Variants in TBCK observed in about 807,000 individuals in gnomAD.
The protein encoded by TBCK is TBC1 domain containing kinase.
A neutral mutation model predicts 113.4 loss-of-function variants in TBCK; 99 were observed. That is an observed-to-expected ratio of 0.87 (90% confidence interval 0.74 to 1.03). The LOEUF (loss-of-function observed/expected upper bound fraction) is 1.03. Among genes scored for constraint, TBCK ranks in the 50% least tolerant of loss-of-function variants. The pLI is 0.00. For synonymous variants in TBCK, 369 were observed against 370.8 expected (o/e 1.00, Z 0.05); for missense variants, 1,045 against 1,061.3 (o/e 0.98, Z 0.21).
intron 1 of TBCK, among the ~76,000 whole-genome samples, chr4:106,312,295 A>G (rs1401892883): frequency 3.3e-5 from 5 of 152,206 alleles, no homozygotes; most frequent in Non-Finnish European, 2.9e-5. Context: ...ACAAGCCAAT[A>G]CATAAATAGG....
At chr4:106,261,271 C>G (rs1762478438) in intron 4 of TBCK, among the ~76,000 whole-genome samples, 1 of 151,862 alleles carries the variant, frequency 6.6e-6, no homozygotes, top group South Asian at 2.1e-4. Flanking sequence ...GTACAATTTT[C>G]TATTTTTGTG....
At chr4:106,243,426 A>G in intron 11 of TBCK, among the ~76,000 whole-genome samples, 1 of 152,192 alleles carries the variant, frequency 6.6e-6, no homozygotes, top group Non-Finnish European at 1.5e-5. Context: ...TACAATTTCA[A>G]TAAATTACTT....
chr4:106,181,659 G>A lies in TBCK; in HGVS notation c.2060-10389C>T, dbSNP rs144936490. 6.8e-3 allele frequency among the ~76,000 whole-genome samples: 1,039 copies of A among 152,248 alleles called. 9 individuals are homozygous for A. The highest frequency in any genetic ancestry group is 0.024 in the African/African-American group (990 of 41,548). ...CCCATTGCTTGTGTGTGTCAGGTTT[G>A]TTAAAGATCAGATGATTGTAGATGT... is the stretch of plus-strand genomic sequence containing the variant. On this transcript the variant is annotated intron_variant, in intron 22 of 25. Coordinates refer to ENST00000394708, the MANE Select transcript of TBCK (RefSeq NM_001163435.3).
chr4:106,291,681 T>G (rs990512906), intron 3 of TBCK, among the ~76,000 whole-genome samples: 1 of 152,230 alleles, frequency 6.6e-6, no homozygotes, highest in African/African-American at 2.4e-5. Context: ...TCTTAGCGAC[T>G]AACTACATAG....
chr4:106,298,329 C>T (rs959135137), intron 2 of TBCK, among the ~76,000 whole-genome samples: 4 of 151,896 alleles, frequency 2.6e-5, no homozygotes, highest in African/African-American at 9.7e-5. Context: ...AAAAAGAAGA[C>T]GTGGCCGGGC....
chr4:106,096,808 T>G (rs1372298705), intron 24 of TBCK, among the ~76,000 whole-genome samples: 2 of 152,210 alleles, frequency 1.3e-5, no homozygotes, highest in Non-Finnish European at 2.9e-5. Context: ...GCTTTACATG[T>G]AAAATCACCT....
intron 23 of TBCK, among the ~76,000 whole-genome samples, chr4:106,152,433 C>A (rs767311192): frequency 6.6e-6 from 1 of 151,992 alleles, no homozygotes; most frequent in Admixed American, 6.6e-5. Context: ...AGGGATAAAT[C>A]CCACTTGGTC....
At chr4:106,211,523 GTA>G (rs1756132691) in intron 20 of TBCK, among the ~76,000 whole-genome samples, 1 of 152,010 alleles carries the variant, frequency 6.6e-6, no homozygotes, top group South Asian at 2.1e-4. Context: ...TATTTTAGTT[GTA>G]TACACACATA....
chr4:106,262,002 T>C (rs1451229247), intron 4 of TBCK, 96 bp downstream of exon 4: 1 of 547,822 alleles, frequency 1.8e-6, no homozygotes, highest in East Asian at 3.1e-5. Context: ...TAAAACATAT[T>C]CTGATTCTAT....
At chr4:106,046,965 A>T (rs1451591411) in intron 25 of TBCK, among the ~76,000 whole-genome samples, 1 of 152,292 alleles carries the variant, frequency 6.6e-6, no homozygotes. Flanking sequence ...ATTCAGTAGT[A>T]AAGGGTATAC....
chr4:106,284,347 C>G (rs951906290), intron 3 of TBCK, among the ~76,000 whole-genome samples: 16 of 152,182 alleles, frequency 1.1e-4, no homozygotes, highest in African/African-American at 3.9e-4. Flanking sequence ...TGTCCAAATT[C>G]TTTCGAGTAT....
intron 22 of TBCK, chr4:106,182,506 C>T (rs937666616): frequency 5.3e-5 from 8 of 151,856 alleles, no homozygotes; most frequent in South Asian, 2.1e-4. Context: ...GCTGTGGGTC[C>T]GTCACAAATA....
intron 1 of TBCK, among the ~76,000 whole-genome samples, chr4:106,312,045 C>G (rs1473418020): frequency 6.6e-6 from 1 of 152,030 alleles, no homozygotes; most frequent in Non-Finnish European, 1.5e-5. Context: ...GAACAAAGCA[C>G]TAGCCACAAA....
intron 3 of TBCK, among the ~76,000 whole-genome samples, chr4:106,281,322 T>C (rs1764571950): frequency 6.6e-6 from 1 of 151,984 alleles, no homozygotes; most frequent in Non-Finnish European, 1.5e-5. Context: ...TTTGGTGTAG[T>C]CTTTAGTTTT....
chr4:106,064,863 C>T (rs1210200618), intron 25 of TBCK, among the ~76,000 whole-genome samples: 2 of 151,914 alleles, frequency 1.3e-5, no homozygotes, highest in Non-Finnish European at 2.9e-5. Context: ...ATCCCATTAC[C>T]TTATTTTCCC....
Position 106,242,460 on chromosome 4 carries a change from T to C in TBCK, c.1170+10A>G, listed in dbSNP as rs375699930. 1.5e-5 allele frequency: 24 copies of C among 1,586,182 alleles called. No individual in the cohort carries two copies. Among genetic ancestry groups the C allele is most frequent in the Non-Finnish European group, 1.9e-5 (22 of 1,166,810 alleles). On this transcript the variant is annotated intron_variant, in intron 12 of 25. Coordinates refer to ENST00000394708, the MANE Select transcript of TBCK (RefSeq NM_001163435.3). ...AACCTAAAGCAGAACTGTCAAAATA[T>C]CTTTCTTACATTTCTTAGCTGGCAT...
chr4:106,260,418 G>A lies in TBCK; in HGVS notation c.455+19C>T. The A allele has an allele frequency of 1.8e-6, 2 of 1,096,172 alleles. No homozygotes were observed. The highest frequency in any genetic ancestry group is 2.5e-6 in the Non-Finnish European group (2 of 811,432). The allele number at this position is 1,096,172 out of a possible 1,614,324, so 67.9% of individuals were successfully genotyped here. A position where few individuals can be genotyped will look rare whatever the true frequency, so the allele number is the denominator to read the frequency against. On this transcript the variant is annotated intron_variant, in intron 5 of 25. Transcript: ENST00000394708. Reference sequence around the variant, plus strand: ...CAAAGTTAAAAAGAAACTCAAAATAGAGGAAAACATATCCTTACCCTATTG... The same window carrying A: ...CAAAGTTAAAAAGAAACTCAAAATAAAGGAAAACATATCCTTACCCTATTG...
chr4:106,091,055 G>T (rs575885638), intron 25 of TBCK, among the ~76,000 whole-genome samples: 1 of 151,604 alleles, frequency 6.6e-6, no homozygotes, highest in Non-Finnish European at 1.5e-5. Flanking sequence ...ATCTGTGTTA[G>T]TTTGTTCTTG....
chr4:106,247,282 G>T lies in TBCK; in HGVS notation c.788C>A (p.Thr263Asn). The T allele has an allele frequency of 3.1e-6, 5 of 1,611,248 alleles. No individual in the cohort carries two copies. The highest frequency in any genetic ancestry group is 4.2e-6 in the Non-Finnish European group (5 of 1,178,130). ...TTTGTCCTTCATTAATTGATCTGGG[G>T]TTGGCCTTGAGAACATTTAAAATAC... is the stretch of plus-strand genomic sequence containing the variant. ...CLTFHPSKRP[T>N]PDQLMKDKVF... is the part of the protein sequence containing the mutation. The change falls in exon 10 of 26, where the codon ACC (threonine) becomes AAC (asparagine). Residue 263 changes from threonine (T) to asparagine (N), a missense_variant. Coordinates refer to ENST00000394708, the MANE Select transcript of TBCK (RefSeq NM_001163435.3).
Sources: gnomAD v4.1 joint callset for allele counts (sites outside exome capture counted in the v4.1 genomes callset) on GRCh38, gnomAD v4.1.1 for gene constraint, MANE v1.5 for transcripts, NCBI Gene and HGNC (gene_info 2026-07-23, HGNC 2026-07-21) for gene names.